Variants in SLC60A1 observed in about 807,000 individuals in gnomAD.
SLC60A1 encodes solute carrier family 60 member 1.
At chr1:205,580,004 CT>C in the SLC60A1 span, 2 of 1,548,286 alleles carry the variant, frequency 1.3e-6, no homozygotes, top group Non-Finnish European at 1.8e-6. The surrounding 1 kb of genome is among the most constrained non-coding windows in gnomAD (Gnocchi z 5.0). Flanking sequence ...TGGGAGCTCC[CT>C]AGGCCCCCTC....
the SLC60A1 span, among the ~76,000 whole-genome samples, chr1:205,574,154 A>G: frequency 6.6e-6 from 1 of 151,994 alleles, no homozygotes; most frequent in Admixed American, 6.5e-5. Context: ...TTTAAGTTAA[A>G]AAAACCTCAA....
the SLC60A1 span, chr1:205,586,342 G>A: frequency 9.0e-7 from 1 of 1,109,088 alleles, no homozygotes; most frequent in Non-Finnish European, 1.3e-6. Flanking sequence ...AGGGAAGAGA[G>A]GAGAGAGAGG....
At chr1:205,573,543 A>C in the SLC60A1 span, among the ~76,000 whole-genome samples, 1 of 145,522 alleles carries the variant, frequency 6.9e-6, no homozygotes, top group African/African-American at 2.5e-5. Flanking sequence ...TAAGTGAAAG[A>C]AGACAGACAC....
chr1:205,597,151 T>A, the SLC60A1 span, among the ~76,000 whole-genome samples: 1 of 152,114 alleles, frequency 6.6e-6, no homozygotes, highest in Non-Finnish European at 1.5e-5. Context: ...GAAAGGTAGG[T>A]AGCAGTCAGA....
At chr1:205,583,985 C>A in the SLC60A1 span, 3 of 1,613,872 alleles carry the variant, frequency 1.9e-6, no homozygotes, top group Non-Finnish European at 2.5e-6. Context: ...GCTGATGCTG[C>A]TGTCCAAGGA....
chr1:205,586,328 G>A, the SLC60A1 span: 4 of 1,215,912 alleles, frequency 3.3e-6, no homozygotes, highest in East Asian at 2.3e-5. Flanking sequence ...GAACTCAGGA[G>A]TAGAGGGAAG....
chr1:205,580,608 C>T, the SLC60A1 span: 1 of 1,590,808 alleles, frequency 6.3e-7, no homozygotes, highest in Non-Finnish European at 8.6e-7. This position sits in a 1 kb window ranked among gnomAD's most constrained non-coding sequence, Gnocchi z 5.0. Context: ...CACCACTTCC[C>T]CGGGCTGAAG....
the SLC60A1 span, among the ~76,000 whole-genome samples, chr1:205,593,922 G>T: frequency 6.6e-6 from 1 of 152,176 alleles, no homozygotes; most frequent in Non-Finnish European, 1.5e-5. Context: ...AGTTTCTTTG[G>T]CTTCTGGCTC....
At chr1:205,592,170 C>T in the SLC60A1 span, 1 of 1,614,142 alleles carries the variant, frequency 6.2e-7, no homozygotes, top group Non-Finnish European at 8.5e-7. Flanking sequence ...CCTGGTGCTG[C>T]TTATTTTCTC....
chr1:205,570,587 G>A, the SLC60A1 span, among the ~76,000 whole-genome samples: 1 of 152,184 alleles, frequency 6.6e-6, no homozygotes, highest in African/African-American at 2.4e-5. Context: ...TTTTGGAAGC[G>A]ATTATCCCCA....
the SLC60A1 span, chr1:205,585,052 G>A: frequency 7.1e-7 from 1 of 1,406,996 alleles, no homozygotes; most frequent in Non-Finnish European, 1.0e-6. This position sits in a 1 kb window ranked among gnomAD's most constrained non-coding sequence, Gnocchi z 4.2. Flanking sequence ...ACTCCAGTCT[G>A]GGAAAGGCAA....
the SLC60A1 span, among the ~76,000 whole-genome samples, chr1:205,577,238 C>T: frequency 6.6e-6 from 1 of 152,130 alleles, no homozygotes; most frequent in African/African-American, 2.4e-5. This position sits in a 1 kb window ranked among gnomAD's most constrained non-coding sequence, Gnocchi z 5.2. Context: ...TCTCTGTCTC[C>T]CCTATCAGAT....
At chr1:205,579,376 C>T in the SLC60A1 span, among the ~76,000 whole-genome samples, 1 of 152,216 alleles carries the variant, frequency 6.6e-6, no homozygotes, top group Non-Finnish European at 1.5e-5. Context: ...CCTGCGGTTG[C>T]ATGCCTATGA....
the SLC60A1 span, chr1:205,580,550 G>A: frequency 7.2e-7 from 1 of 1,389,228 alleles, no homozygotes; most frequent in Non-Finnish European, 9.8e-7. The surrounding 1 kb of genome is among the most constrained non-coding windows in gnomAD (Gnocchi z 5.0). Context: ...CAGAGGGTGG[G>A]GCTGGGGGAG....
the SLC60A1 span, among the ~76,000 whole-genome samples, chr1:205,591,498 A>G: frequency 5.2e-5 from 7 of 134,034 alleles, no homozygotes; most frequent in Admixed American, 4.4e-4. Context: ...AAAAAAAAAA[A>G]AAAAGGAAAG....
the SLC60A1 span, among the ~76,000 whole-genome samples, chr1:205,589,288 T>C: frequency 6.6e-6 from 1 of 152,032 alleles, no homozygotes; most frequent in Non-Finnish European, 1.5e-5. Context: ...AAGGCCCGTG[T>C]TCAAAGGCCT....
At chr1:205,569,384 C>A in the SLC60A1 span, 3 of 992,970 alleles carry the variant, frequency 3.0e-6, no homozygotes, top group Admixed American at 9.1e-5. Context: ...GCCCCGCGAC[C>A]CGGCCTCTCC....
At chr1:205,587,600 C>T in the SLC60A1 span, among the ~76,000 whole-genome samples, 1 of 151,990 alleles carries the variant, frequency 6.6e-6, no homozygotes, top group Admixed American at 6.6e-5. Flanking sequence ...GTGGTATGGG[C>T]CTGCTTATAG....
chr1:205,579,957 C>T, the SLC60A1 span: 145 of 1,610,350 alleles, frequency 9.0e-5, no homozygotes, highest in Middle Eastern at 5.0e-4. Flanking sequence ...CAGGTAAGCC[C>T]GGCCAGCAGG....
Sources: gnomAD v4.1 joint callset for allele counts (sites outside exome capture counted in the v4.1 genomes callset) on GRCh38, gnomAD v4.1.1 for gene constraint, Gnocchi (gnomAD v3.1) non-coding constraint, MANE v1.5 for transcripts, NCBI Gene and HGNC (gene_info 2026-07-23, HGNC 2026-07-21) for gene names.